The following MAK variants were observed in gnomAD, a reference collection of about 807,000 sequenced individuals.
MAK encodes male germ cell associated kinase.
In MAK, 65 loss-of-function variants were observed where a neutral mutation model predicts 82.6. The ratio of observed to expected loss-of-function variants is 0.79; its 90% CI spans 0.64 to 0.97. The LOEUF is 0.97. MAK is among the 50% of genes least tolerant of loss of function. The probability of loss-of-function intolerance (pLI) is 0.00; values close to 1 mark genes in which losing one functional copy is unlikely to be tolerated. For synonymous variants in MAK, 250 were observed against 274.2 expected (o/e 0.91, Z 0.87); for missense variants, 703 against 780.2 (o/e 0.90, Z 1.18).
rs112888381 is a variant in MAK, at chr6:10,776,030, C to T, written c.1466-571G>A. Among the ~76,000 whole-genome samples the T allele has an allele frequency of 0.04, 6,098 of 152,200 alleles. 356 individuals carry two copies. Among genetic ancestry groups the T allele is most frequent in the African/African-American group, 0.13 (5,550 of 41,504 alleles). ...CTCAAACTCCTGGCCTCAAGTGATC[C>T]GTTCACCTTGGCCTCCCAAAGTGCT... On this transcript the variant is annotated intron_variant, in intron 11 of 14. Coordinates refer to ENST00000354489, the MANE Select transcript of MAK (RefSeq NM_001242957.3). The surrounding 1 kb of genome is among the most constrained non-coding windows in gnomAD (Gnocchi z 4.3).
intron 4 of MAK, among the ~76,000 whole-genome samples, chr6:10,814,488 G>GCT (rs1777310446): frequency 2.0e-5 from 3 of 150,700 alleles, no homozygotes; most frequent in Non-Finnish European, 4.4e-5. Flanking sequence ...GGGCAACATG[G>GCT]TGAAACCTTG....
At chr6:10,813,107 TATATATATATATATATATATATATATA>T (rs1777110244) in intron 5 of MAK, among the ~76,000 whole-genome samples, 1 of 2,342 alleles carries the variant, frequency 4.3e-4, no homozygotes, top group African/African-American at 9.4e-4. Context: ...TATATATATA[TATATATATATATATATATATATATATA>T]AATTTTTTTT....
chr6:10,810,345 C>CTTTTTTTTTTTT (rs111859354), intron 5 of MAK, among the ~76,000 whole-genome samples: 32 of 121,676 alleles, frequency 2.6e-4, no homozygotes, highest in Non-Finnish European at 3.4e-4. Flanking sequence ...TTATCTTTTT[C>CTTTTTTTTTTTT]TTTTTTTTTT....
intron 9 of MAK, among the ~76,000 whole-genome samples, chr6:10,795,482 C>T (rs535232155): frequency 1.7e-4 from 26 of 151,868 alleles, no homozygotes; most frequent in Admixed American, 1.6e-3. Flanking sequence ...GTGGCTCATG[C>T]CTGTAATCCC....
chr6:10,788,917 G>A (rs1774833747), intron 10 of MAK, among the ~76,000 whole-genome samples: 1 of 151,920 alleles, frequency 6.6e-6, no homozygotes, highest in Non-Finnish European at 1.5e-5. Context: ...GTTAACAGCA[G>A]ATAGAAACAG....
At chr6:10,818,735 CAGA>C (rs1777690607) in intron 3 of MAK, 148 bp downstream of exon 3, 1 of 652,050 alleles carries the variant, frequency 1.5e-6, no homozygotes, top group African/African-American at 1.8e-5. Context: ...ACATCAGAAC[CAGA>C]AGAAATGAGA....
intron 5 of MAK, among the ~76,000 whole-genome samples, chr6:10,811,469 A>C (rs1318164057): frequency 6.6e-6 from 1 of 152,242 alleles, no homozygotes; most frequent in Non-Finnish European, 1.5e-5. Flanking sequence ...TATTTCTTTC[A>C]GTCACAATTT....
At chr6:10,765,779 C>A (rs554421760) in intron 14 of MAK, among the ~76,000 whole-genome samples, 1 of 152,234 alleles carries the variant, frequency 6.6e-6, no homozygotes, top group African/African-American at 2.4e-5. Context: ...AGCCATCGCA[C>A]CCGGCCCATA....
chr6:10,811,748 TAA>T (rs1299067002), intron 5 of MAK, among the ~76,000 whole-genome samples: 2 of 152,174 alleles, frequency 1.3e-5, no homozygotes, highest in African/African-American at 2.4e-5. Context: ...ATGGTGCAAA[TAA>T]AAAGTTTTTT....
chr6:10,829,579 C>CA (rs1778620661), intron 2 of MAK, among the ~76,000 whole-genome samples: 1 of 152,062 alleles, frequency 6.6e-6, no homozygotes, highest in African/African-American at 2.4e-5. Context: ...AAAACACAAA[C>CA]AAAAACGAAA....
chr6:10,831,232 T>C (rs186430772), intron 1 of MAK, among the ~76,000 whole-genome samples: 12 of 152,350 alleles, frequency 7.9e-5, no homozygotes, highest in Admixed American at 2.6e-4. Flanking sequence ...TCATATTTAA[T>C]TTGGCATATT....
chr6:10,837,937 G>A (rs1779262269), intron 1 of MAK: 1 of 152,260 alleles, frequency 6.6e-6, no homozygotes, highest in Admixed American at 6.5e-5. Flanking sequence ...GGGGTGTGCG[G>A]AATTCCACTT....
intron 6 of MAK, among the ~76,000 whole-genome samples, chr6:10,806,601 C>A (rs984274095): frequency 2.0e-5 from 3 of 151,280 alleles, no homozygotes; most frequent in African/African-American, 7.3e-5. Flanking sequence ...TCGTGATCCA[C>A]CTGCCTCGGA....
At chr6:10,769,356 C>G (rs1215075167) in intron 14 of MAK, among the ~76,000 whole-genome samples, 1 of 152,186 alleles carries the variant, frequency 6.6e-6, no homozygotes, top group Non-Finnish European at 1.5e-5. Flanking sequence ...CATTCATGGT[C>G]AAATCTGATT....
rs1773480846 is a variant in MAK, at chr6:10,776,691, C to T, written c.1466-1232G>A. Among the ~76,000 whole-genome samples the T allele has an allele frequency of 1.3e-5, 2 of 152,130 alleles. No homozygotes were observed. The highest frequency in any genetic ancestry group is 1.5e-5 in the Non-Finnish European group (1 of 68,020). Reference sequence around the variant, plus strand: ...CAGAAATACTGCACCTCAAAAGTTACCCATTATCAGTTCTCTAAGGAAACA... The same window carrying T: ...CAGAAATACTGCACCTCAAAAGTTATCCATTATCAGTTCTCTAAGGAAACA... On this transcript the variant is annotated intron_variant, in intron 11 of 14. Transcript: ENST00000354489. This position sits in a 1 kb window ranked among gnomAD's most constrained non-coding sequence, Gnocchi z 4.3.
At chr6:10,821,707 C>T (rs1050882663) in intron 2 of MAK, among the ~76,000 whole-genome samples, 31 of 152,146 alleles carry the variant, frequency 2.0e-4, no homozygotes, top group Non-Finnish European at 3.2e-4. Flanking sequence ...TGCTGGTGTG[C>T]GCCTGTAGTC....
At chr6:10,773,145 A>T (rs1391166655) in intron 12 of MAK, 37 bp from the exon 13 acceptor site, 1 of 1,137,518 alleles carries the variant, frequency 8.8e-7, no homozygotes, top group Non-Finnish European at 1.3e-6. Flanking sequence ...GAATAATAGT[A>T]AGGAGAATGT....
intron 10 of MAK, among the ~76,000 whole-genome samples, chr6:10,790,136 T>TGAC (rs1428325391): frequency 1.3e-5 from 2 of 152,194 alleles, no homozygotes; most frequent in Non-Finnish European, 2.9e-5. Context: ...CTGAGAGGTG[T>TGAC]GACTTTCTTG....
At chr6:10,810,433 G>T (rs1776843907) in intron 5 of MAK, among the ~76,000 whole-genome samples, 1 of 148,842 alleles carries the variant, frequency 6.7e-6, no homozygotes, top group Non-Finnish European at 1.5e-5. Flanking sequence ...TCCGCCTCCT[G>T]GGTTCAAGCG....
Sources: allele counts gnomAD v4.1 joint callset (sites outside exome capture counted in the v4.1 genomes callset), GRCh38; gene constraint gnomAD v4.1.1; non-coding constraint Gnocchi (gnomAD v3.1); transcripts MANE v1.5; gene names NCBI Gene and HGNC (gene_info 2026-07-23, HGNC 2026-07-21).